Variants in VTI1A observed in about 807,000 individuals in gnomAD.
VTI1A encodes vesicle transport through interaction with t-SNAREs homolog 1A.
Under a neutral mutation model 34.9 loss-of-function variants are expected in VTI1A, and 22 were observed. That is an observed-to-expected ratio of 0.63 (90% confidence interval 0.45 to 0.90). The LOEUF (loss-of-function observed/expected upper bound fraction) is 0.90. Ranked by LOEUF, VTI1A falls within the 40% of genes least tolerant of loss-of-function variation. VTI1A has a pLI of 0.00. For missense variants in VTI1A, 268 were observed against 275.6 expected (o/e 0.97, Z 0.20); for synonymous variants, 87 against 97.3 (o/e 0.89, Z 0.62).
chr10:112,754,987 T>A (rs1851230002), intron 7 of VTI1A, among the ~76,000 whole-genome samples: 1 of 152,162 alleles, frequency 6.6e-6, no homozygotes, highest in Non-Finnish European at 1.5e-5. Flanking sequence ...CTGGGCGCGG[T>A]GGCTCATGCC....
intron 1 of VTI1A, among the ~76,000 whole-genome samples, chr10:112,459,265 C>A (rs1847647885): frequency 6.6e-6 from 1 of 152,174 alleles, no homozygotes; most frequent in Admixed American, 6.5e-5. Flanking sequence ...AGTTGTGTTT[C>A]TTTTTAAATG....
intron 4 of VTI1A, among the ~76,000 whole-genome samples, chr10:112,537,787 C>A (rs1284099526): frequency 1.3e-5 from 2 of 152,150 alleles, no homozygotes; most frequent in Non-Finnish European, 2.9e-5. Flanking sequence ...AATTATGGAT[C>A]ATTTTCTTAC....
At chr10:112,548,480 C>T (rs1564822491) in intron 5 of VTI1A, among the ~76,000 whole-genome samples, 4 of 152,090 alleles carry the variant, frequency 2.6e-5, no homozygotes, top group South Asian at 2.1e-4. Flanking sequence ...GAAGGTTTTA[C>T]GATGCATTGT....
At chr10:112,613,807 G>T (rs921414982) in intron 5 of VTI1A, among the ~76,000 whole-genome samples, 1 of 152,176 alleles carries the variant, frequency 6.6e-6, no homozygotes, top group Admixed American at 6.5e-5. Context: ...CCCTGCTGCC[G>T]TGCACCATTT....
At chr10:112,668,589 T>C (rs2133835717) in intron 6 of VTI1A, among the ~76,000 whole-genome samples, 1 of 152,260 alleles carries the variant, frequency 6.6e-6, no homozygotes, top group East Asian at 1.9e-4. Flanking sequence ...TTATTGGTGG[T>C]CATCTTTCCT....
Position 112,816,165 on chromosome 10 carries a change from C to A in VTI1A, c.*782C>A, listed in dbSNP as rs1265183559. 4.6e-6 allele frequency: 1 copy of A among 218,422 alleles called. No individual in the cohort carries two copies. Among genetic ancestry groups the A allele is most frequent in the Non-Finnish European group, 9.2e-6 (1 of 108,868 alleles). The allele number at this position is 218,422 out of a possible 1,614,324, so 13.5% of individuals were successfully genotyped here. A position where few individuals can be genotyped will look rare whatever the true frequency, so the allele number is the denominator to read the frequency against. ...TAATTGTGACCTCGTCTTCCCTGAC[C>A]TGTGTAAGCATCTCTGTATCCTTTC... On this transcript the variant is annotated 3_prime_UTR_variant, in exon 8 of 8. Transcript: ENST00000393077.
intron 5 of VTI1A, among the ~76,000 whole-genome samples, chr10:112,606,742 G>C (rs772544453): frequency 1.3e-5 from 2 of 152,180 alleles, no homozygotes; most frequent in Non-Finnish European, 2.9e-5. Context: ...GCTAAGATGA[G>C]AATGGGAAAA....
chr10:112,447,022 G>T (rs1589768011), upstream of VTI1A: 1 of 295,412 alleles, frequency 3.4e-6, no homozygotes, highest in South Asian at 5.6e-5. Context: ...TGTGGATCCG[G>T]AGCCGATTCC....
intron 5 of VTI1A, chr10:112,538,786 A>G (rs1381004913): frequency 6.5e-6 from 1 of 152,808 alleles, no homozygotes; most frequent in Non-Finnish European, 1.5e-5. Context: ...GGTGTTGGAA[A>G]TGATTCCTAA....
intron 5 of VTI1A, among the ~76,000 whole-genome samples, chr10:112,660,448 G>A (rs1847406359): frequency 6.6e-6 from 1 of 152,190 alleles, no homozygotes; most frequent in African/African-American, 2.4e-5. Flanking sequence ...TCTAGTCTAA[G>A]AGTCTCATTT....
chr10:112,749,188 G>A (rs1340972340), intron 7 of VTI1A, among the ~76,000 whole-genome samples: 5 of 152,236 alleles, frequency 3.3e-5, no homozygotes, highest in Middle Eastern at 3.4e-3. Flanking sequence ...GGGTAGTTGC[G>A]AAGCCAGTCC....
In VTI1A at chr10:112,481,950, T is replaced by C. The variant is rs1193113905; in HGVS notation, c.264+17293T>C. On this transcript the variant is annotated intron_variant, in intron 3 of 7. Transcript: ENST00000393077. ...TCTTGTATCTTGTTTAGGGGGAAAA[T>C]TGAAGTTCCTTTTGTGGCTAGATTG... Among the ~76,000 whole-genome samples, 4 of 152,192 alleles carry C rather than the reference T, an allele frequency of 2.6e-5. No individual in the cohort carries two copies. In the East Asian group the frequency reaches 7.7e-4, roughly 29 times the overall value.
Position 112,527,097 on chromosome 10 carries a change from G to T in VTI1A, c.275G>T (p.Arg92Leu), listed in dbSNP as rs779300134. The change falls in exon 4 of 8, where the codon CGG (arginine) becomes CTG (leucine). Residue 92 changes from arginine to leucine, a missense_variant. Coordinates refer to ENST00000393077, the MANE Select transcript of VTI1A (RefSeq NM_145206.4). ...TGTTTTGTTTTATAGAAAAGGTCACGGATCGCCTACAGTGACGAAGTACGG... is the reference window on the plus strand; with the variant it reads ...TGTTTTGTTTTATAGAAAAGGTCACTGATCGCCTACAGTGACGAAGTACGG... ...GKLETDFKRS[R>L]IAYSDEVRNE... 1.2e-6 allele frequency: 2 copies of T among 1,612,778 alleles called. No individual in the cohort carries two copies. Among genetic ancestry groups the T allele is most frequent in the Admixed American group, 3.3e-5 (2 of 59,824 alleles).
At chr10:112,726,762 A>G (rs371369302) in intron 7 of VTI1A, among the ~76,000 whole-genome samples, 41 of 152,222 alleles carry the variant, frequency 2.7e-4, no homozygotes, top group African/African-American at 9.4e-4. Context: ...TTGGAGTTTC[A>G]TTTGTTTTCA....
At chr10:112,730,010 C>A (rs1850192249) in intron 7 of VTI1A, among the ~76,000 whole-genome samples, 2 of 152,236 alleles carry the variant, frequency 1.3e-5, no homozygotes, top group Admixed American at 1.3e-4. Flanking sequence ...CTCTCCCCAG[C>A]AGCAACACCT....
the VTI1A span, among the ~76,000 whole-genome samples, chr10:112,845,576 G>A: frequency 1.3e-5 from 2 of 152,294 alleles, no homozygotes; most frequent in South Asian, 2.1e-4. Context: ...CGGTAGCTTC[G>A]TCTCTCCTGA....
intron 7 of VTI1A, among the ~76,000 whole-genome samples, chr10:112,682,267 C>T (rs1848241744): frequency 6.6e-6 from 1 of 152,076 alleles, no homozygotes; most frequent in African/African-American, 2.4e-5. Flanking sequence ...ACAGTTTTCT[C>T]ATGGATAGAA....
intron 3 of VTI1A, among the ~76,000 whole-genome samples, chr10:112,519,005 A>G (rs1329088777): frequency 1.3e-5 from 2 of 152,108 alleles, no homozygotes; most frequent in African/African-American, 4.8e-5. Context: ...TTGCCTAAAC[A>G]TCATAGTTTT....
rs777199191 is a variant in VTI1A, at chr10:112,668,177, C to T, written c.428-41C>T. ...TTTCTGAGATTTACTCTCATATGCA[C>T]TCCAAGTCATTTTTCCTCACTCAAA... is the stretch of plus-strand genomic sequence containing the variant. On this transcript the variant is annotated intron_variant, in intron 5 of 7. Coordinates refer to ENST00000393077, the MANE Select transcript of VTI1A (RefSeq NM_145206.4). 7 of 1,577,042 alleles carry T rather than the reference C, an allele frequency of 4.4e-6. No homozygotes were observed. In the Admixed American group the frequency reaches 6.7e-5, roughly 15 times the overall value.
Sources: gnomAD v4.1 joint callset for allele counts (sites outside exome capture counted in the v4.1 genomes callset) on GRCh38, gnomAD v4.1.1 for gene constraint, MANE v1.5 for transcripts, NCBI Gene and HGNC (gene_info 2026-07-23, HGNC 2026-07-21) for gene names.